Variants in EPHA5 observed in about 807,000 individuals in gnomAD.
The protein encoded by EPHA5 is ephrin type-A receptor 5.
A neutral mutation model predicts 105.0 loss-of-function variants in EPHA5; 60 were observed. The observed-to-expected ratio is 0.57, with a 90% confidence interval of 0.46 to 0.71. The LOEUF (loss-of-function observed/expected upper bound fraction) is 0.71, where lower values mean the gene tolerates loss of function less well. Among genes scored for constraint, EPHA5 ranks in the 30% least tolerant of loss-of-function variants. The pLI is 0.00. For synonymous variants in EPHA5, 513 were observed against 449.1 expected, an observed-to-expected ratio of 1.14 and a Z score of -1.80; for missense variants, 1,218 against 1,274.7, an observed-to-expected ratio of 0.96 and a Z score of 0.68.
In EPHA5 at chr4:65,601,730, A is replaced by G; in HGVS notation, c.821T>C (p.Met274Thr). Residue 274 changes from methionine (M) to threonine (T), a missense_variant, in exon 3 of 17, where the codon ATG (methionine) becomes ACG (threonine). Physicochemically the swap from Met to Thr is moderately conservative, Grantham distance 81. Transcript: ENST00000613740. ...NHSVTDEPPKMHCSAEGEWLV... is the reference protein window; with the variant it reads ...NHSVTDEPPKTHCSAEGEWLV... ...CCACTCCCCTTCGGCGCTGCAGTGC[A>G]TTTTGGGAGGTTCATCGGTCACAGA... is the stretch of plus-strand genomic sequence containing the variant. 6.2e-7 allele frequency: 1 copy of G among 1,614,088 alleles called. No individual in the cohort carries two copies.
intron 8 of EPHA5, among the ~76,000 whole-genome samples, chr4:65,368,753 G>A (rs879298276): frequency 6.6e-6 from 1 of 152,046 alleles, no homozygotes; most frequent in Non-Finnish European, 1.5e-5. Context: ...CCTAAATGTA[G>A]CCCTAACACA....
intron 3 of EPHA5, 82 bp from the exon 4 acceptor site, chr4:65,495,625 T>C (rs1731853536): frequency 2.5e-6 from 3 of 1,203,524 alleles, no homozygotes; most frequent in Admixed American, 4.7e-5. Context: ...TATTTTGACT[T>C]GTATATGCAG....
At chr4:65,464,359 A>G (rs1376129438) in intron 5 of EPHA5, among the ~76,000 whole-genome samples, 1 of 152,068 alleles carries the variant, frequency 6.6e-6, no homozygotes, top group African/African-American at 2.4e-5. Flanking sequence ...CAAAAAGAAG[A>G]AGATATGTGA....
intron 8 of EPHA5, among the ~76,000 whole-genome samples, chr4:65,384,550 C>T (rs1315484493): frequency 6.6e-6 from 1 of 151,806 alleles, no homozygotes; most frequent in Non-Finnish European, 1.5e-5. Context: ...CAACAACCTC[C>T]AAATCTGGGC....
intron 11 of EPHA5, among the ~76,000 whole-genome samples, chr4:65,363,966 G>A (rs185706948): frequency 9.9e-5 from 15 of 151,250 alleles, no homozygotes; most frequent in Non-Finnish European, 1.8e-4. Flanking sequence ...TTAAAAAAAT[G>A]CTGTTTCCTC....
intron 3 of EPHA5, among the ~76,000 whole-genome samples, chr4:65,556,802 T>C (rs1738487411): frequency 6.6e-6 from 1 of 152,122 alleles, no homozygotes. Flanking sequence ...CTCTATGATA[T>C]GTTATGATCC....
At chr4:65,621,366 A>G (rs5027823) in intron 2 of EPHA5, among the ~76,000 whole-genome samples, 5,297 of 152,234 alleles carry the variant, frequency 0.035, 307 homozygotes, top group African/African-American at 0.12. Flanking sequence ...CTTTCACTAG[A>G]CTACAATCCT....
intron 3 of EPHA5, among the ~76,000 whole-genome samples, chr4:65,509,061 C>T (rs1733344843): frequency 6.6e-6 from 1 of 152,088 alleles, no homozygotes; most frequent in South Asian, 2.1e-4. Context: ...GCAAAACCAA[C>T]TGGCTAATGA....
At chr4:65,629,555 C>T (rs559698549) in intron 2 of EPHA5, among the ~76,000 whole-genome samples, 265 of 152,190 alleles carry the variant, frequency 1.7e-3, no homozygotes, top group Non-Finnish European at 2.8e-3. Context: ...GCTGTAACAA[C>T]GCATTTTTCT....
intron 3 of EPHA5, among the ~76,000 whole-genome samples, chr4:65,511,126 A>C (rs4401501): frequency 0.93 from 141,983 of 152,160 alleles, 66,504 homozygotes; most frequent in Middle Eastern, 0.99. Flanking sequence ...GACTTTCTAG[A>C]CTCAGAACTG....
chr4:65,434,226 T>C (rs1725265771), intron 5 of EPHA5, among the ~76,000 whole-genome samples: 1 of 152,106 alleles, frequency 6.6e-6, no homozygotes, highest in Admixed American at 6.6e-5. Context: ...CTCAAGATCC[T>C]TAATCTAATC....
At chr4:65,584,546 T>G (rs1374373972) in intron 3 of EPHA5, among the ~76,000 whole-genome samples, 2 of 151,902 alleles carry the variant, frequency 1.3e-5, no homozygotes. Flanking sequence ...ATGACATATT[T>G]AAAAATAGTA....
intron 2 of EPHA5, among the ~76,000 whole-genome samples, chr4:65,631,830 T>C (rs375227101): frequency 1.4e-4 from 22 of 152,134 alleles, no homozygotes; most frequent in African/African-American, 5.1e-4. Context: ...TCAGGAAAAG[T>C]GTTTTGAGAA....
At chr4:65,539,608 A>G (rs1175564040) in intron 3 of EPHA5, among the ~76,000 whole-genome samples, 1 of 151,662 alleles carries the variant, frequency 6.6e-6, no homozygotes, top group African/African-American at 2.4e-5. Context: ...CAATAGAGAT[A>G]TTGCTCCCTC....
At chr4:65,417,024 T>C (rs1372992448) in intron 6 of EPHA5, among the ~76,000 whole-genome samples, 1 of 152,172 alleles carries the variant, frequency 6.6e-6, no homozygotes, top group Non-Finnish European at 1.5e-5. Context: ...TGAGCTACAT[T>C]CCCCAGCTGC....
chr4:65,583,590 T>C (rs1244997818), intron 3 of EPHA5, among the ~76,000 whole-genome samples: 1 of 151,820 alleles, frequency 6.6e-6, no homozygotes, highest in Non-Finnish European at 1.5e-5. Flanking sequence ...AAAAGACTGA[T>C]TGCAATGATG....
At chr4:65,638,173 G>T (rs930638855) in intron 2 of EPHA5, among the ~76,000 whole-genome samples, 1 of 152,102 alleles carries the variant, frequency 6.6e-6, no homozygotes, top group African/African-American at 2.4e-5. Context: ...TCATACAATT[G>T]CTTTTTTATT....
At chr4:65,591,346 T>TTTC (rs1467727054) in intron 3 of EPHA5, among the ~76,000 whole-genome samples, 3 of 152,056 alleles carry the variant, frequency 2.0e-5, no homozygotes, top group Non-Finnish European at 4.4e-5. Flanking sequence ...CATGCCTTTT[T>TTTC]TTCTTTATAC....
intron 7 of EPHA5, among the ~76,000 whole-genome samples, chr4:65,409,145 A>G (rs918108041): frequency 4.8e-5 from 6 of 125,288 alleles, no homozygotes; most frequent in African/African-American, 1.8e-4. Flanking sequence ...AACAATGAGA[A>G]CACATGGACA....
Sources: gnomAD v4.1 joint callset for allele counts (sites outside exome capture counted in the v4.1 genomes callset) on GRCh38, gnomAD v4.1.1 for gene constraint, MANE v1.5 for transcripts, NCBI Gene and HGNC (gene_info 2026-07-23, HGNC 2026-07-21) for gene names.